Variants in EHBP1 observed in about 807,000 individuals in gnomAD.
EHBP1 encodes the protein EH domain binding protein 1, also known as EH domain-binding protein 1.
Under a neutral mutation model 144.0 loss-of-function variants are expected in EHBP1, and 55 were observed. The observed-to-expected ratio is 0.38, with a 90% CI of 0.31 to 0.48. The LOEUF (loss-of-function observed/expected upper bound fraction) is 0.48, where lower values mean the gene tolerates loss of function less well. Ranked by LOEUF, EHBP1 falls within the 20% of genes least tolerant of loss-of-function variation. EHBP1 has a pLI of 0.98. For missense variants in EHBP1, 1,200 were observed against 1,364.2 expected (o/e 0.88, Z 1.90); for synonymous variants, 469 against 472.7 (o/e 0.99, Z 0.10).
At position 62,948,702 on chromosome 2, in the gene EHBP1, A is replaced by G. The variant is rs1257663660; in HGVS notation, c.1856A>G (p.Gln619Arg). The G allele has an allele frequency of 6.2e-7, 1 of 1,614,076 alleles. No homozygotes were observed. ...AGGACTAAAAGTGACACAGAACCCC[A>G]GAAGTCTCAGCAGAGCTCTGGAAGG... is the stretch of plus-strand genomic sequence containing the variant. Reference protein sequence around the residue: ...CRRTKSDTEPQKSQQSSGRTS... With the variant: ...CRRTKSDTEPRKSQQSSGRTS... The change falls in exon 13 of 23, where the codon CAG (glutamine) becomes CGG (arginine). Residue 619 changes from glutamine to arginine, a missense_variant. Physicochemically the swap from Gln to Arg is conservative, Grantham distance 43. This residue lies in a region of EHBP1 where 543 missense variants were observed against 513.1 expected (regional missense o/e 1.06). Coordinates refer to ENST00000431489, the MANE Select transcript of EHBP1 (RefSeq NM_001142616.3).
intron 9 of EHBP1, among the ~76,000 whole-genome samples, chr2:62,868,735 C>T (rs183083098): frequency 6.6e-6 from 1 of 152,110 alleles, no homozygotes; most frequent in East Asian, 1.9e-4. Flanking sequence ...ATCTCTTGAG[C>T]CCAGAAGTTG....
chr2:62,985,687 C>G (rs766236228), intron 15 of EHBP1, among the ~76,000 whole-genome samples: 4 of 152,172 alleles, frequency 2.6e-5, no homozygotes, highest in Non-Finnish European at 5.9e-5. Context: ...CCTACCCATT[C>G]CTCCTTTCAT....
chr2:62,881,506 AACT>A (rs922298432), intron 10 of EHBP1, among the ~76,000 whole-genome samples: 6 of 151,916 alleles, frequency 3.9e-5, no homozygotes, highest in African/African-American at 1.5e-4. Context: ...AAGGAAAGGA[AACT>A]CTAAAGCAGC....
chr2:63,000,122 G>A (rs1490836190), intron 19 of EHBP1, among the ~76,000 whole-genome samples: 2 of 152,126 alleles, frequency 1.3e-5, no homozygotes, highest in Non-Finnish European at 1.5e-5. Flanking sequence ...GGGCCTGGAT[G>A]GTGGCCCAGA....
chr2:62,943,503 G>A lies in EHBP1; in HGVS notation c.1365-299G>A, dbSNP rs562636828. ...AAATAAGCCTGTAATTCTTTACATT[G>A]ACAACAAGGGATTACCTCATACTAA... On this transcript the variant is annotated intron_variant, in intron 11 of 22. Transcript: ENST00000431489. Among the ~76,000 whole-genome samples, 3 of 151,438 alleles carry A rather than the reference G, an allele frequency of 2.0e-5. No homozygotes were observed. The South Asian group carries it at 6.3e-4, about 32-fold the overall frequency.
intron 15 of EHBP1, among the ~76,000 whole-genome samples, chr2:62,989,614 C>G (rs576188731): frequency 9.9e-5 from 15 of 152,206 alleles, no homozygotes; most frequent in African/African-American, 3.1e-4. Flanking sequence ...TTGGAGTTAA[C>G]TAATAAATTG....
chr2:62,831,230 A>G (rs964827710), intron 7 of EHBP1, 72 bp downstream of exon 7: 3 of 1,429,464 alleles, frequency 2.1e-6, no homozygotes, highest in Non-Finnish European at 2.8e-6. Context: ...CTCATTTCCC[A>G]GGAAAAAACA....
chr2:62,674,802 A>AT (rs2033226309), intron 1 of EHBP1, among the ~76,000 whole-genome samples: 1 of 152,102 alleles, frequency 6.6e-6, no homozygotes, highest in Non-Finnish European at 1.5e-5. Context: ...CTTTTCTTTA[A>AT]TTTTTATTTT....
At chr2:63,037,895 A>G (rs1382658015) in intron 20 of EHBP1, among the ~76,000 whole-genome samples, 1 of 152,172 alleles carries the variant, frequency 6.6e-6, no homozygotes, top group Non-Finnish European at 1.5e-5. Context: ...GAAGTAAATC[A>G]CTTATACAAG....
intron 12 of EHBP1, among the ~76,000 whole-genome samples, chr2:62,945,132 A>G (rs1015662273): frequency 1.3e-5 from 2 of 152,190 alleles, no homozygotes; most frequent in East Asian, 1.9e-4. Context: ...ATGTCATGCT[A>G]TAGTTGTTGC....
intron 13 of EHBP1, among the ~76,000 whole-genome samples, chr2:62,952,656 G>C (rs2057453327): frequency 6.6e-6 from 1 of 152,046 alleles, no homozygotes; most frequent in Admixed American, 6.6e-5. Flanking sequence ...TTATATGTGG[G>C]AAATCTGAGG....
intron 15 of EHBP1, among the ~76,000 whole-genome samples, chr2:62,981,625 G>C (rs1384121244): frequency 1.3e-5 from 2 of 152,210 alleles, no homozygotes; most frequent in African/African-American, 4.8e-5. Flanking sequence ...GCCAGGACTA[G>C]ACTAGGCAAG....
rs146190000 is a variant in EHBP1, at chr2:63,017,635, C to T, written c.3104-19900C>T. 4.3e-4 allele frequency among the ~76,000 whole-genome samples: 65 copies of T among 152,136 alleles called. No homozygotes were observed. In the East Asian group the frequency reaches 0.011, roughly 26 times the overall value. On this transcript the variant is annotated intron_variant, in intron 19 of 22. Coordinates refer to ENST00000431489, the MANE Select transcript of EHBP1 (RefSeq NM_001142616.3). ...TATAATCTTTTTAATACTTAAATTTCTCAACATCTCCTTTGAAATAAAAGA... is the reference window on the plus strand; with the variant it reads ...TATAATCTTTTTAATACTTAAATTTTTCAACATCTCCTTTGAAATAAAAGA...
intron 14 of EHBP1, among the ~76,000 whole-genome samples, chr2:62,959,380 T>C (rs966855664): frequency 2.0e-5 from 3 of 152,174 alleles, no homozygotes; most frequent in African/African-American, 7.2e-5. Flanking sequence ...CAGCTTTTTC[T>C]GATAAGTACC....
chr2:62,791,568 A>G (rs2043171203), intron 5 of EHBP1, among the ~76,000 whole-genome samples: 1 of 152,020 alleles, frequency 6.6e-6, no homozygotes, highest in South Asian at 2.1e-4. Context: ...TGGTTATTAT[A>G]AAGTTTTAAA....
chr2:62,798,484 G>C (rs987431256), intron 5 of EHBP1, among the ~76,000 whole-genome samples: 3 of 152,194 alleles, frequency 2.0e-5, no homozygotes, highest in Non-Finnish European at 4.4e-5. Context: ...GGTGGTTTAA[G>C]AGTGTAGGCT....
chr2:62,750,650 T>C (rs6727408), intron 3 of EHBP1, among the ~76,000 whole-genome samples: 2,946 of 152,308 alleles, frequency 0.019, 100 homozygotes, highest in African/African-American at 0.067. Context: ...GTGTCCTCTT[T>C]TATTTCGCTG....
intron 7 of EHBP1, among the ~76,000 whole-genome samples, chr2:62,831,905 C>G (rs2046845573): frequency 6.6e-6 from 1 of 152,048 alleles, no homozygotes; most frequent in Admixed American, 6.5e-5. Context: ...TCTTTTGGTT[C>G]TGCCTCAACT....
chr2:62,875,542 GA>G (rs2050825331), intron 10 of EHBP1, among the ~76,000 whole-genome samples: 1 of 152,178 alleles, frequency 6.6e-6, no homozygotes, highest in Non-Finnish European at 1.5e-5. Flanking sequence ...ACACAGATGA[GA>G]AAAAGCCAGT....
Sources: allele counts gnomAD v4.1 joint callset (sites outside exome capture counted in the v4.1 genomes callset), GRCh38; gene constraint gnomAD v4.1.1; regional missense constraint gnomAD v4.1.1; transcripts MANE v1.5; gene names NCBI Gene and HGNC (gene_info 2026-07-23, HGNC 2026-07-21).